The following PTPRD variants were observed in gnomAD, a reference collection of about 807,000 sequenced individuals.
PTPRD encodes protein tyrosine phosphatase receptor type D.
PTPRD carries 34 observed loss-of-function variants against 214.5 expected under a neutral mutation model. The ratio of observed to expected loss-of-function variants is 0.16; its 90% CI spans 0.12 to 0.21. PTPRD has a LOEUF of 0.21. Ranked by LOEUF, PTPRD falls within the 10% of genes least tolerant of loss-of-function variation. PTPRD has a pLI of 1.00. For synonymous variants in PTPRD, 1,128 were observed against 845.7 expected (o/e 1.33, Z -5.79); for missense variants, 2,545 against 2,398.7 (o/e 1.06, Z -1.27).
intron 11 of PTPRD, among the ~76,000 whole-genome samples, chr9:8,856,678 A>C (rs2097921237): frequency 6.6e-6 from 1 of 152,196 alleles, no homozygotes; most frequent in African/African-American, 2.4e-5. Context: ...ACATTTGGCA[A>C]GTAGCGTACT....
intron 11 of PTPRD, among the ~76,000 whole-genome samples, chr9:8,794,917 G>C (rs1156342607): frequency 6.6e-6 from 1 of 151,504 alleles, no homozygotes; most frequent in Non-Finnish European, 1.5e-5. Flanking sequence ...ATGAGTGACA[G>C]TATACAAAGG....
In PTPRD at chr9:8,678,917, G is replaced by T. The variant is rs183811451; in HGVS notation, c.65-42073C>A. Among the ~76,000 whole-genome samples, 94 of 152,278 alleles carry T rather than the reference G, an allele frequency of 6.2e-4. 1 individual carries two copies. Among genetic ancestry groups the T allele is most frequent in the African/African-American group, 2.2e-3 (90 of 41,574 alleles). ...ACCTAAAATAAAATGCTTTGGTAAA[G>T]AATAAAATGTTTCATGCAAATATGC... On this transcript the variant is annotated intron_variant, in intron 12 of 45. Coordinates refer to ENST00000381196, the MANE Select transcript of PTPRD (RefSeq NM_002839.4).
intron 12 of PTPRD, among the ~76,000 whole-genome samples, chr9:8,699,001 C>T (rs1000014625): frequency 6.6e-6 from 1 of 152,066 alleles, no homozygotes; most frequent in African/African-American, 2.4e-5. Flanking sequence ...AAAACAGCAT[C>T]CATTTGAAGT....
chr9:9,357,037 C>A (rs1489569301), intron 9 of PTPRD, among the ~76,000 whole-genome samples: 4 of 151,318 alleles, frequency 2.6e-5, no homozygotes, highest in Non-Finnish European at 5.9e-5. Flanking sequence ...TCTGCCTTCT[C>A]TCATTCCTTC....
chr9:8,394,501 C>T (rs758636591), intron 36 of PTPRD, among the ~76,000 whole-genome samples: 19 of 152,112 alleles, frequency 1.2e-4, no homozygotes, highest in Non-Finnish European at 2.1e-4. Context: ...GACCAGGAAA[C>T]CTGGACTCCT....
intron 10 of PTPRD, among the ~76,000 whole-genome samples, chr9:9,134,941 C>G (rs111602342): frequency 8.5e-4 from 129 of 152,230 alleles, no homozygotes; most frequent in African/African-American, 3.0e-3. Flanking sequence ...TCTTAGCAGA[C>G]AGAGGTAAGG....
intron 10 of PTPRD, among the ~76,000 whole-genome samples, chr9:9,057,143 G>A (rs939203439): frequency 1.3e-5 from 2 of 152,064 alleles, no homozygotes; most frequent in Non-Finnish European, 2.9e-5. Flanking sequence ...TAATCTGATT[G>A]CAGGAAACAG....
chr9:8,911,675 A>C (rs1331736154), intron 11 of PTPRD, among the ~76,000 whole-genome samples: 1 of 152,172 alleles, frequency 6.6e-6, no homozygotes, highest in African/African-American at 2.4e-5. Flanking sequence ...CAATAGGTGA[A>C]CTTGAGCAAA....
chr9:8,800,151 A>T (rs1253408877), intron 11 of PTPRD, among the ~76,000 whole-genome samples: 1 of 152,082 alleles, frequency 6.6e-6, no homozygotes, highest in East Asian at 1.9e-4. Flanking sequence ...GTACATATGT[A>T]TGTATGTGTG....
At chr9:10,177,994 G>C (rs905587688) in intron 3 of PTPRD, among the ~76,000 whole-genome samples, 1 of 151,906 alleles carries the variant, frequency 6.6e-6, no homozygotes, top group African/African-American at 2.4e-5. Flanking sequence ...AACTAGAGGA[G>C]CACTTTCTAG....
intron 10 of PTPRD, among the ~76,000 whole-genome samples, chr9:9,072,613 G>A (rs2099745400): frequency 6.6e-6 from 1 of 152,056 alleles, no homozygotes; most frequent in African/African-American, 2.4e-5. Context: ...CCTCTTATTT[G>A]CCACATACTA....
intron 3 of PTPRD, among the ~76,000 whole-genome samples, chr9:10,332,930 G>A (rs1171723058): frequency 2.6e-5 from 4 of 151,692 alleles, no homozygotes; most frequent in Admixed American, 6.6e-5. Context: ...ACATACAATT[G>A]TAATATTTAT....
intron 4 of PTPRD, among the ~76,000 whole-genome samples, chr9:9,957,300 T>G (rs1458768489): frequency 1.3e-5 from 2 of 152,072 alleles, no homozygotes; most frequent in Non-Finnish European, 2.9e-5. Context: ...TAAAATCCTG[T>G]GAAACATTAA....
In PTPRD at chr9:9,384,343, CTTTTTTTTTTTTTTTTTTTTTTT is replaced by C. The variant is rs869246078; in HGVS notation, c.-203+13083_-203+13105del. ...GATGATATTTGAGCAGAAGACTAGG[CTTTTTTTTTTTTTTTTTTTTTTT>C]TTTTTTTTTTTTTTTTTTCTGGTGG... On this transcript the variant is annotated intron_variant, in intron 9 of 45. Transcript: ENST00000381196. Among the ~76,000 whole-genome samples the C allele has an allele frequency of 3.4e-3, 113 of 33,312 alleles. 2 individuals are homozygous for C. Among genetic ancestry groups the C allele is most frequent in the Admixed American group, 9.5e-3 (23 of 2,418 alleles). The allele number at this position is 33,312 out of a possible 152,430, so 21.9% of individuals were successfully genotyped here.
intron 11 of PTPRD, among the ~76,000 whole-genome samples, chr9:8,910,533 G>A (rs1363225401): frequency 6.6e-6 from 1 of 152,106 alleles, no homozygotes; most frequent in Admixed American, 6.6e-5. Flanking sequence ...AGCATGCTCA[G>A]CCCCTCACCA....
At position 10,053,515 on chromosome 9, in the gene PTPRD, A is replaced by T. The variant is rs372369882; in HGVS notation, c.-544-19725T>A. Among the ~76,000 whole-genome samples, 78 of 152,278 alleles carry T rather than the reference A, an allele frequency of 5.1e-4. 1 individual carries two copies. The highest frequency in any genetic ancestry group is 1.7e-3 in the African/African-American group (70 of 41,576). On this transcript the variant is annotated intron_variant, in intron 3 of 45. Coordinates refer to ENST00000381196, the MANE Select transcript of PTPRD (RefSeq NM_002839.4). Reference sequence around the variant, plus strand: ...AAAGCTATGGATCTTCTCAGTGGGTAAATACTGGAAGCATATATTCCTATA... The same window carrying T: ...AAAGCTATGGATCTTCTCAGTGGGTTAATACTGGAAGCATATATTCCTATA...
intron 12 of PTPRD, among the ~76,000 whole-genome samples, chr9:8,720,033 CA>C: frequency 6.6e-6 from 1 of 152,306 alleles, no homozygotes; most frequent in South Asian, 2.1e-4. Flanking sequence ...AAAACCCCTT[CA>C]AAAATGGCTT....
At chr9:10,145,310 C>T (rs539506244) in intron 3 of PTPRD, among the ~76,000 whole-genome samples, 1 of 152,160 alleles carries the variant, frequency 6.6e-6, no homozygotes, top group Admixed American at 6.6e-5. Context: ...CAGTTTTAAA[C>T]TGAATGGGTC....
At chr9:10,519,257 CAAAAAAAAAAAA>C (rs35808416) in intron 2 of PTPRD, among the ~76,000 whole-genome samples, 2 of 71,464 alleles carry the variant, frequency 2.8e-5, no homozygotes, top group South Asian at 1.5e-3. Context: ...ATTTCCTCCA[CAAAAAAAAAAAA>C]AAAAAAAAAA....
Sources: allele counts gnomAD v4.1 joint callset (sites outside exome capture counted in the v4.1 genomes callset), GRCh38; gene constraint gnomAD v4.1.1; transcripts MANE v1.5; gene names NCBI Gene and HGNC (gene_info 2026-07-23, HGNC 2026-07-21).